Variants in EIF4E3 observed in about 807,000 individuals in gnomAD.
EIF4E3 encodes eukaryotic translation initiation factor 4E family member 3.
A neutral mutation model predicts 31.7 loss-of-function variants in EIF4E3; 26 were observed. That is an observed-to-expected ratio of 0.82 (90% CI 0.60 to 1.14). The LOEUF is 1.14. Ranked by LOEUF, EIF4E3 falls within the 50% of genes most tolerant of loss-of-function variation. The probability of loss-of-function intolerance (pLI) is 0.00; values close to 1 mark genes in which losing one functional copy is unlikely to be tolerated. For synonymous variants in EIF4E3, 128 were observed against 107.7 expected, an observed-to-expected ratio of 1.19 and a Z score of -1.17; for missense variants, 304 against 270.9, an observed-to-expected ratio of 1.12 and a Z score of -0.86.
intron 1 of EIF4E3, among the ~76,000 whole-genome samples, chr3:71,749,617 T>G (rs1463000339): frequency 6.6e-6 from 1 of 152,148 alleles, no homozygotes; most frequent in Non-Finnish European, 1.5e-5. Flanking sequence ...TGCCAACCAG[T>G]TCCTCTGAAC....
the EIF4E3 span, among the ~76,000 whole-genome samples, chr3:71,663,948 G>A: frequency 7.9e-5 from 12 of 152,208 alleles, no homozygotes; most frequent in Non-Finnish European, 1.2e-4. Flanking sequence ...TCCTGAGGCA[G>A]ATCAGGCAGG....
intron 3 of EIF4E3, among the ~76,000 whole-genome samples, chr3:71,698,933 TCTGGTGGCTGGGC>T (rs1396728386): frequency 6.6e-6 from 1 of 152,120 alleles, no homozygotes; most frequent in Non-Finnish European, 1.5e-5. Context: ...AAATTACATT[TCTGGTGGCTGGGC>T]CTGGTGGCTC....
At position 71,679,629 on chromosome 3, in the gene EIF4E3, A is replaced by G. The variant is rs2048900427; in HGVS notation, c.*5053T>C. On this transcript the variant is annotated 3_prime_UTR_variant, in exon 7 of 7. Transcript: ENST00000425534. ...CAGTAGCAATGATGAACAAAAAAAT[A>G]CTGACTTTGCAATGACTTTTGCTTA... 6.6e-6 allele frequency: 1 copy of G among 152,222 alleles called. No homozygotes were observed. The highest frequency in any genetic ancestry group is 1.5e-5 in the Non-Finnish European group (1 of 68,028). The allele number at this position is 152,222 out of a possible 1,614,324, so 9.4% of individuals were successfully genotyped here.
chr3:71,714,505 G>A (rs2049436068), intron 1 of EIF4E3, among the ~76,000 whole-genome samples: 1 of 152,154 alleles, frequency 6.6e-6, no homozygotes, highest in Non-Finnish European at 1.5e-5. Context: ...GATGTCGGAA[G>A]TACTGATGGT....
chr3:71,744,731 C>T (rs1317886816), intron 1 of EIF4E3, among the ~76,000 whole-genome samples: 2 of 152,120 alleles, frequency 1.3e-5, no homozygotes, highest in Non-Finnish European at 2.9e-5. Context: ...GGTGACAGAG[C>T]GAGACTCCGT....
At chr3:71,692,943 C>T in intron 5 of EIF4E3, among the ~76,000 whole-genome samples, 1 of 152,102 alleles carries the variant, frequency 6.6e-6, no homozygotes, top group East Asian at 1.9e-4. Context: ...GTAAGCAAAA[C>T]AGAAGTGGAA....
intron 6 of EIF4E3, among the ~76,000 whole-genome samples, chr3:71,689,634 T>G (rs1355489732): frequency 2.0e-5 from 3 of 152,232 alleles, no homozygotes; most frequent in East Asian, 3.8e-4. Context: ...TTCCTGTTTA[T>G]GAAGGGATGA....
At chr3:71,753,582 G>T in exon 1 of EIF4E3, 1 of 149,778 alleles carries the variant, frequency 6.7e-6, no homozygotes, top group South Asian at 1.8e-4. Context: ...CAGGCGGTGC[G>T]GGATGCCTCG....
upstream of EIF4E3, chr3:71,754,537 G>A: frequency 1.5e-6 from 2 of 1,346,336 alleles, no homozygotes; most frequent in East Asian, 6.5e-5. The surrounding 1 kb of genome is among the most constrained non-coding windows in gnomAD (Gnocchi z 5.8). Context: ...CTGGACGGCG[G>A]TGGCGACGAC....
rs1373023214 is a variant in EIF4E3, at chr3:71,676,557, T to C, written c.*8125A>G. On this transcript the variant is annotated 3_prime_UTR_variant, in exon 7 of 7. Coordinates refer to ENST00000425534, the MANE Select transcript of EIF4E3 (RefSeq NM_001134651.2). The stretch of plus-strand genomic sequence containing the variant: ...TTACTGGCTTCCAAAATGTTAAAAT[T>C]TGGCCATGTGATGCATGTCACTGTG... 1 of 152,202 alleles carries C rather than the reference T, an allele frequency of 6.6e-6. No homozygotes were observed. The highest frequency in any genetic ancestry group is 2.4e-5 in the African/African-American group (1 of 41,438). The allele number at this position is 152,202 out of a possible 1,614,324, so 9.4% of individuals were successfully genotyped here.
intron 2 of EIF4E3, among the ~76,000 whole-genome samples, chr3:71,702,744 A>G (rs931772738): frequency 3.3e-5 from 5 of 151,000 alleles, no homozygotes; most frequent in African/African-American, 1.2e-4. Context: ...TTTGAAAAGC[A>G]TGTGTCATTA....
chr3:71,679,833 CA>C lies in EIF4E3; in HGVS notation c.*4848del, dbSNP rs1379433947. ...ATTTGAACAGTTTTGTGTTATTTTA[CA>C]TGCAATTTTATAGCTCTATAACGTT... On this transcript the variant is annotated 3_prime_UTR_variant, in exon 7 of 7. Coordinates refer to ENST00000425534, the MANE Select transcript of EIF4E3 (RefSeq NM_001134651.2). 6.6e-6 allele frequency: 1 copy of C among 152,170 alleles called. No homozygotes were observed. The highest frequency in any genetic ancestry group is 2.4e-5 in the African/African-American group (1 of 41,440). The allele number at this position is 152,170 out of a possible 1,614,324, so 9.4% of individuals were successfully genotyped here.
At chr3:71,717,017 T>G (rs2049475482) in intron 1 of EIF4E3, among the ~76,000 whole-genome samples, 1 of 152,240 alleles carries the variant, frequency 6.6e-6, no homozygotes, top group Non-Finnish European at 1.5e-5. Flanking sequence ...CTAAGGACAC[T>G]ATCTTAATCA....
chr3:71,719,201 T>G (rs1320416603), intron 1 of EIF4E3, among the ~76,000 whole-genome samples: 1 of 152,218 alleles, frequency 6.6e-6, no homozygotes, highest in African/African-American at 2.4e-5. Context: ...ATATCCCTCC[T>G]GCGAGGACAT....
intron 6 of EIF4E3, among the ~76,000 whole-genome samples, chr3:71,685,358 G>GAA (rs1057218410): frequency 3.3e-5 from 5 of 152,102 alleles, no homozygotes; most frequent in African/African-American, 1.2e-4. Context: ...AGGAACTCTA[G>GAA]AATATATATA....
At chr3:71,725,821 C>G (rs1349669544), upstream of EIF4E3, among the ~76,000 whole-genome samples, 1 of 151,940 alleles carries the variant, frequency 6.6e-6, no homozygotes, top group Non-Finnish European at 1.5e-5. This position sits in a 1 kb window ranked among gnomAD's most constrained non-coding sequence, Gnocchi z 6.1. Context: ...CCCAGACCCA[C>G]GTGGTGCGAG....
rs150497823 is a variant in EIF4E3 at position 71,721,138 on chromosome 3, G to A, written c.176+4054C>T. Among the ~76,000 whole-genome samples, 3 of 152,364 alleles carry A rather than the reference G, an allele frequency of 2.0e-5. No individual in the cohort carries two copies. The East Asian group carries it at 5.8e-4, about 29-fold the overall frequency. On this transcript the variant is annotated intron_variant, in intron 1 of 6. Transcript: ENST00000425534. ...TGTGTCCAGAACTCCGAAGAGAGCT[G>A]AAGGCTGGAGATGGAGACTTGCAAA...
At chr3:71,687,524 G>A (rs1038935595) in intron 6 of EIF4E3, among the ~76,000 whole-genome samples, 9 of 152,294 alleles carry the variant, frequency 5.9e-5, no homozygotes, top group South Asian at 2.1e-4. Flanking sequence ...ACAGGAGAGC[G>A]GAGAGGGTAA....
intron 2 of EIF4E3, among the ~76,000 whole-genome samples, chr3:71,705,175 T>G (rs1048202098): frequency 1.3e-5 from 2 of 152,156 alleles, no homozygotes; most frequent in African/African-American, 4.8e-5. Context: ...ATGGGCTGTC[T>G]TGCTGTGTCC....
Sources: allele counts gnomAD v4.1 joint callset (sites outside exome capture counted in the v4.1 genomes callset), GRCh38; gene constraint gnomAD v4.1.1; non-coding constraint Gnocchi (gnomAD v3.1); transcripts MANE v1.5; gene names NCBI Gene and HGNC (gene_info 2026-07-23, HGNC 2026-07-21).